The following RUVBL1 variants were observed in gnomAD, a reference collection of about 807,000 sequenced individuals.
RUVBL1 encodes the protein ruvB-like 1.
A neutral mutation model predicts 52.4 loss-of-function variants in RUVBL1; 4 were observed. That is an observed-to-expected ratio of 0.08 (90% confidence interval 0.04 to 0.17). The LOEUF is 0.17. RUVBL1 is among the 10% of genes least tolerant of loss of function. The probability of loss-of-function intolerance (pLI) is 1.00; values close to 1 mark genes in which losing one functional copy is unlikely to be tolerated. For missense variants in RUVBL1, 298 were observed against 572.8 expected (o/e 0.52, Z 4.90); for synonymous variants, 217 against 214.4 (o/e 1.01, Z -0.10).
rs1417273567 is a variant in RUVBL1, at chr3:128,069,870, G to C, written c.940-4650C>G. The C allele has an allele frequency of 5.7e-5, 32 of 565,876 alleles. No individual in the cohort carries two copies. The South Asian group carries it at 7.0e-4, about 12-fold the overall frequency. 35.1% of individuals were successfully genotyped at this position (565,876 alleles called of 1,614,324 possible). A position where few individuals can be genotyped will look rare whatever the true frequency, so the allele number is the denominator to read the frequency against. ...CACTGGCAAAAAGAACTGTGAAAGT[G>C]AAATTTTATTCAGCCGACTGCCAGA... is the stretch of plus-strand genomic sequence containing the variant. On this transcript the variant is annotated intron_variant, in intron 9 of 9. Transcript: ENST00000464873.
intron 3 of RUVBL1, among the ~76,000 whole-genome samples, chr3:128,107,166 G>T (rs987253906): frequency 6.6e-6 from 1 of 152,306 alleles, no homozygotes; most frequent in Non-Finnish European, 1.5e-5. Context: ...CTATGGTCAT[G>T]GTTCTCAACC....
chr3:128,130,617 TTA>T (rs1943862209), intron 1 of RUVBL1, among the ~76,000 whole-genome samples: 1 of 45,216 alleles, frequency 2.2e-5, no homozygotes, highest in Non-Finnish European at 4.8e-5. Context: ...AAAAAAAATT[TTA>T]TTTATTTATG....
intron 9 of RUVBL1, among the ~76,000 whole-genome samples, chr3:128,072,317 T>C (rs1942188201): frequency 1.3e-5 from 2 of 152,214 alleles, no homozygotes; most frequent in Non-Finnish European, 2.9e-5. Flanking sequence ...CCTCAGGAAC[T>C]TGAGGGGCAG....
upstream of RUVBL1, chr3:128,123,951 G>C: frequency 8.1e-7 from 1 of 1,231,364 alleles, no homozygotes. Flanking sequence ...TGTGTCTCCG[G>C]GTTGGCTTCC....
intron 8 of RUVBL1, among the ~76,000 whole-genome samples, chr3:128,090,025 T>A (rs982387256): frequency 6.6e-6 from 1 of 151,392 alleles, no homozygotes; most frequent in African/African-American, 2.4e-5. Context: ...TTTCTGTTTT[T>A]GAGGTGATGA....
chr3:128,090,328 G>T (rs1349570896), intron 8 of RUVBL1, among the ~76,000 whole-genome samples: 1 of 152,184 alleles, frequency 6.6e-6, no homozygotes, highest in Admixed American at 6.5e-5. Context: ...TCAGGAGATT[G>T]AGACCACGGT....
intron 8 of RUVBL1, 150 bp from the exon 9 acceptor site, chr3:128,087,958 T>C: frequency 3.5e-6 from 2 of 572,944 alleles, no homozygotes; most frequent in South Asian, 4.3e-5. Context: ...TAACCTCCAG[T>C]GGCATAAAAA....
intron 1 of RUVBL1, among the ~76,000 whole-genome samples, chr3:128,132,761 C>G (rs562130019): frequency 6.6e-6 from 1 of 152,172 alleles, no homozygotes; most frequent in African/African-American, 2.4e-5. Flanking sequence ...GTATTTACCA[C>G]GAGCCTTGGG....
chr3:128,126,019 G>A (rs1489699392), upstream of RUVBL1, among the ~76,000 whole-genome samples: 1 of 152,192 alleles, frequency 6.6e-6, no homozygotes, highest in Non-Finnish European at 1.5e-5. Flanking sequence ...TCCAAAAAGA[G>A]AAAGGGAGAA....
chr3:128,128,653 A>G (rs924596014), upstream of RUVBL1, among the ~76,000 whole-genome samples: 42 of 152,328 alleles, frequency 2.8e-4, no homozygotes, highest in Admixed American at 5.9e-4. Context: ...CACTTAATCA[A>G]ATAGCTAGAA....
rs1483371225 is a variant in RUVBL1 at position 128,069,375 on chromosome 3, T to C, written c.940-4155A>G. On this transcript the variant is annotated intron_variant, in intron 9 of 9. Transcript: ENST00000464873. Reference sequence around the variant, plus strand: ...CTTTCTAGGAGACAGCAGAGGGGCCTTTGAGGCATTAGGTCCCAAAGTCTC... The same window carrying C: ...CTTTCTAGGAGACAGCAGAGGGGCCCTTGAGGCATTAGGTCCCAAAGTCTC... 3.6e-6 allele frequency: 4 copies of C among 1,108,120 alleles called. No homozygotes were observed. The East Asian group carries it at 7.1e-5, about 20-fold the overall frequency. 68.6% of individuals were successfully genotyped at this position (1,108,120 alleles called of 1,614,324 possible).
intron 1 of RUVBL1, among the ~76,000 whole-genome samples, chr3:128,128,992 G>A (rs769996621): frequency 6.6e-6 from 1 of 152,066 alleles, no homozygotes; most frequent in Non-Finnish European, 1.5e-5. Flanking sequence ...CATTCCCACA[G>A]GATATGTGCA....
intron 1 of RUVBL1, among the ~76,000 whole-genome samples, chr3:128,122,004 CAG>C (rs1003449186): frequency 2.0e-5 from 3 of 152,164 alleles, no homozygotes; most frequent in African/African-American, 4.8e-5. Flanking sequence ...CTGATGTGAC[CAG>C]AGTCACACAA....
At chr3:128,142,321 T>A (rs1452477526) in intron 1 of RUVBL1, among the ~76,000 whole-genome samples, 1 of 152,188 alleles carries the variant, frequency 6.6e-6, no homozygotes, top group Non-Finnish European at 1.5e-5. Flanking sequence ...GGGCAGGCAT[T>A]GAGGTCTCTT....
chr3:128,080,178 G>A (rs1213028951), downstream of RUVBL1, among the ~76,000 whole-genome samples: 1 of 152,244 alleles, frequency 6.6e-6, no homozygotes, highest in African/African-American at 2.4e-5. Context: ...TTCAGAGATA[G>A]GGACACACGA....
exon 1 of RUVBL1, chr3:128,153,209 A>T: frequency 7.7e-7 from 1 of 1,306,120 alleles, no homozygotes; most frequent in Non-Finnish European, 9.7e-7. Context: ...TCACCCAGAA[A>T]GTCCAAATGG....
Position 128,081,450 on chromosome 3 carries a change from C to A in RUVBL1, c.1212-41G>T. 1 of 1,582,462 alleles carries A rather than the reference C, an allele frequency of 6.3e-7. No homozygotes were observed. Among genetic ancestry groups the A allele is most frequent in the Non-Finnish European group, 8.6e-7 (1 of 1,159,198 alleles). ...GCCAGGGCTGGAGTGAAACTGGGGC[C>A]ACCGAAGAAAGCACCTTCCCCCCAC... On this transcript the variant is annotated intron_variant, in intron 10 of 10. Coordinates refer to ENST00000322623, the MANE Select transcript of RUVBL1 (RefSeq NM_003707.3). The surrounding 1 kb of genome is among the most constrained non-coding windows in gnomAD (Gnocchi z 4.8).
At chr3:128,137,450 A>G (rs1241315957) in intron 1 of RUVBL1, among the ~76,000 whole-genome samples, 1 of 152,204 alleles carries the variant, frequency 6.6e-6, no homozygotes, top group African/African-American at 2.4e-5. Flanking sequence ...AGAAGAATAG[A>G]TAAGTTCTTG....
At position 128,067,401 on chromosome 3, in the gene RUVBL1, T is replaced by C. The variant is rs755879627; in HGVS notation, c.940-2181A>G. 6.2e-7 allele frequency: 1 copy of C among 1,602,054 alleles called. No homozygotes were observed. On this transcript the variant is annotated intron_variant, in intron 9 of 9. Coordinates refer to the RUVBL1 transcript ENST00000464873. This position sits in a 1 kb window ranked among gnomAD's most constrained non-coding sequence, Gnocchi z 4.1. ...TAAAATGAAGGAGCACTCACATGCG[T>C]TTGGTTTCTTCTTCCCCAGGACACG...
Sources: allele counts gnomAD v4.1 joint callset (sites outside exome capture counted in the v4.1 genomes callset), GRCh38; gene constraint gnomAD v4.1.1; non-coding constraint Gnocchi (gnomAD v3.1); transcripts MANE v1.5; gene names NCBI Gene and HGNC (gene_info 2026-07-23, HGNC 2026-07-21).